Variants in ZC3H18 observed in about 807,000 individuals in gnomAD.
The protein encoded by ZC3H18 is zinc finger CCCH-type containing 18, also known as zinc finger CCCH domain-containing protein 18.
In ZC3H18, 8 loss-of-function variants were observed where a neutral mutation model predicts 106.1. The ratio of observed to expected loss-of-function variants is 0.08; its 90% CI spans 0.04 to 0.14. The LOEUF is 0.14. Ranked by LOEUF, ZC3H18 falls within the 10% of genes least tolerant of loss-of-function variation. The pLI, the probability that ZC3H18 is intolerant of heterozygous loss-of-function variation, is 1.00. For synonymous variants in ZC3H18, 635 were observed against 522.1 expected, an observed-to-expected ratio of 1.22 and a Z score of -2.95; for missense variants, 1,318 against 1,278.4, an observed-to-expected ratio of 1.03 and a Z score of -0.47.
rs527248794 is a variant in ZC3H18 at position 88,591,567 on chromosome 16, G to A, written c.688+4883G>A. ...AGCCTGGGCAACAGAACGAGACTCC[G>A]TCTCCAAAAAAAAAAAAAAAGATTG... On this transcript the variant is annotated intron_variant, in intron 3 of 17. Transcript: ENST00000301011. Among the ~76,000 whole-genome samples, 231 of 150,018 alleles carry A rather than the reference G, an allele frequency of 1.5e-3. 1 individual carries two copies. Among genetic ancestry groups the A allele is most frequent in the Middle Eastern group, 3.4e-3 (1 of 292 alleles).
chr16:88,630,239 G>A (rs1906577081), intron 16 of ZC3H18: 3 of 487,864 alleles, frequency 6.1e-6, no homozygotes, highest in Non-Finnish European at 1.1e-5. Context: ...GTCTCTCTGC[G>A]TGAGATATTG....
At chr16:88,599,324 G>T (rs1406264405) in intron 5 of ZC3H18, among the ~76,000 whole-genome samples, 1 of 152,210 alleles carries the variant, frequency 6.6e-6, no homozygotes, top group Non-Finnish European at 1.5e-5. Flanking sequence ...GCCCACGTTG[G>T]CCCCAGTGTG....
chr16:88,582,233 T>TTTC, intron 2 of ZC3H18, among the ~76,000 whole-genome samples: 1 of 137,682 alleles, frequency 7.3e-6, no homozygotes, highest in South Asian at 2.4e-4. Flanking sequence ...TTTTTTTTTT[T>TTTC]TTTTTTTTTG....
Position 88,628,060 on chromosome 16 carries a change from C to G in ZC3H18, c.2410C>G (p.Gln804Glu). 1 of 1,614,108 alleles carries G rather than the reference C, an allele frequency of 6.2e-7. No homozygotes were observed. The highest frequency in any genetic ancestry group is 8.5e-7 in the Non-Finnish European group (1 of 1,180,022). The change falls in exon 15 of 18, where the codon CAG becomes GAG. Residue 804 changes from glutamine (Q) to glutamate (E), a missense_variant. By Grantham distance (29) the Gln-to-Glu change is conservative (BLOSUM62 2). Coordinates refer to ENST00000301011, the MANE Select transcript of ZC3H18 (RefSeq NM_144604.4). ...PSTPQQAPPG[Q>E]PQQGTFVAHK... Reference sequence around the variant, plus strand: ...GACACCCCAGCAGGCACCCCCCGGGCAGCCCCAGCAGGGCACATTTGTGGC... The same window carrying G: ...GACACCCCAGCAGGCACCCCCCGGGGAGCCCCAGCAGGGCACATTTGTGGC...
At chr16:88,574,954 C>G (rs532045075) in intron 1 of ZC3H18, among the ~76,000 whole-genome samples, 23 of 151,386 alleles carry the variant, frequency 1.5e-4, no homozygotes, top group Admixed American at 1.4e-3. Flanking sequence ...CTCAGCCTCC[C>G]GAGTAGCTGG....
chr16:88,628,711 T>C (rs770384003), intron 15 of ZC3H18, 47 bp from the exon 16 acceptor site: 1 of 1,606,516 alleles, frequency 6.2e-7, no homozygotes, highest in Non-Finnish European at 8.5e-7. Context: ...GGACACGGCT[T>C]CTGGCTCCTG....
At chr16:88,620,260 C>A (rs1474421534) in intron 8 of ZC3H18, among the ~76,000 whole-genome samples, 3 of 152,236 alleles carry the variant, frequency 2.0e-5, no homozygotes, top group Non-Finnish European at 4.4e-5. Flanking sequence ...GAGAATCCCA[C>A]TCACAGTAAC....
intron 8 of ZC3H18, among the ~76,000 whole-genome samples, chr16:88,613,959 T>C (rs913809250): frequency 6.6e-6 from 1 of 152,192 alleles, no homozygotes; most frequent in African/African-American, 2.4e-5. Context: ...GATGAGAGCA[T>C]GAACGTTGCT....
chr16:88,599,335 TGA>T (rs948703180), intron 5 of ZC3H18, among the ~76,000 whole-genome samples: 208 of 152,348 alleles, frequency 1.4e-3, no homozygotes, highest in African/African-American at 4.7e-3. Context: ...CCCCAGTGTG[TGA>T]GCTTCAGCTC....
Position 88,580,932 on chromosome 16 carries a change from G to A in ZC3H18, c.603+3206G>A, listed in dbSNP as rs116145739. ...ATTACTCTCTTTGGCCTGTACCTTC[G>A]CAAATGGATGTTTCTGAGGCCTCAT... On this transcript the variant is annotated intron_variant, in intron 2 of 17. Coordinates refer to ENST00000301011, the MANE Select transcript of ZC3H18 (RefSeq NM_144604.4). Among the ~76,000 whole-genome samples, 1,128 of 152,204 alleles carry A rather than the reference G, an allele frequency of 7.4e-3. 20 individuals carry two copies. The highest frequency in any genetic ancestry group is 0.025 in the African/African-American group (1,020 of 41,498).
At chr16:88,583,280 T>C (rs1239364152) in intron 2 of ZC3H18, among the ~76,000 whole-genome samples, 2 of 152,234 alleles carry the variant, frequency 1.3e-5, no homozygotes, top group Non-Finnish European at 2.9e-5. Context: ...AAAGCGAAAA[T>C]CCCCTGTGTC....
chr16:88,586,833 GT>G, intron 3 of ZC3H18, 149 bp downstream of exon 3: 1 of 638,008 alleles, frequency 1.6e-6, no homozygotes. Flanking sequence ...GGTGGTGGTG[GT>G]GGTGGCAATA....
At chr16:88,628,933 T>G in intron 16 of ZC3H18, 79 bp downstream of exon 16, 1 of 1,423,658 alleles carries the variant, frequency 7.0e-7, no homozygotes, top group Non-Finnish European at 9.8e-7. Context: ...TGAGACCCCA[T>G]TGCTCTTAAC....
intron 2 of ZC3H18, among the ~76,000 whole-genome samples, chr16:88,579,733 G>A (rs1375169536): frequency 6.6e-6 from 1 of 152,172 alleles, no homozygotes. Flanking sequence ...AAAACGGAGT[G>A]CTGCTGTGGA....
intron 1 of ZC3H18, among the ~76,000 whole-genome samples, chr16:88,574,919 C>T (rs1463917801): frequency 1.3e-5 from 2 of 150,784 alleles, no homozygotes; most frequent in Admixed American, 6.6e-5. Flanking sequence ...AAGCCCCGCC[C>T]CCTGGGTTCA....
At chr16:88,605,224 T>G (rs1904954259) in intron 6 of ZC3H18, among the ~76,000 whole-genome samples, 1 of 152,028 alleles carries the variant, frequency 6.6e-6, no homozygotes, top group Non-Finnish European at 1.5e-5. Context: ...ACCTGGAGAG[T>G]AAGACAGGGC....
In ZC3H18 at chr16:88,608,756, C is replaced by T. The variant is rs1320088621; in HGVS notation, c.1089-178C>T. ...ATCTGTGAATAGAACCCTTTGACTT[C>T]TGGCCTGCTCTTAGATGTAGTTTGT... is the stretch of plus-strand genomic sequence containing the variant. On this transcript the variant is annotated intron_variant, in intron 6 of 17. Coordinates refer to ENST00000301011, the MANE Select transcript of ZC3H18 (RefSeq NM_144604.4). 5.7e-6 allele frequency: 3 copies of T among 524,720 alleles called. No individual in the cohort carries two copies. The East Asian group carries it at 9.0e-5, about 16-fold the overall frequency. The allele number at this position is 524,720 out of a possible 1,614,324, so 32.5% of individuals were successfully genotyped here. A position where few individuals can be genotyped will look rare whatever the true frequency, so the allele number is the denominator to read the frequency against.
chr16:88,619,756 A>T (rs1293658298), intron 8 of ZC3H18, among the ~76,000 whole-genome samples: 1 of 152,094 alleles, frequency 6.6e-6, no homozygotes, highest in Non-Finnish European at 1.5e-5. Flanking sequence ...GCTTCACCCG[A>T]AGAAGAGGTG....
intron 2 of ZC3H18, among the ~76,000 whole-genome samples, chr16:88,578,967 C>T (rs759003122): frequency 1.3e-5 from 2 of 152,192 alleles, no homozygotes; most frequent in African/African-American, 2.4e-5. Context: ...GGATCACAGG[C>T]GTGAGGCACC....
Sources: gnomAD v4.1 joint callset for allele counts (sites outside exome capture counted in the v4.1 genomes callset) on GRCh38, gnomAD v4.1.1 for gene constraint, MANE v1.5 for transcripts, NCBI Gene and HGNC (gene_info 2026-07-23, HGNC 2026-07-21) for gene names.